The following CNN2 variants were observed in gnomAD, a reference collection of about 807,000 sequenced individuals.
The protein encoded by CNN2 is calponin-2.
In CNN2, 21 loss-of-function variants were observed where a neutral mutation model predicts 31.0. The observed-to-expected ratio is 0.68, with a 90% CI of 0.48 to 0.98. The LOEUF is 0.98. CNN2 is among the 50% of genes least tolerant of loss of function. The pLI is 0.00. For missense variants in CNN2, 399 were observed against 427.3 expected (o/e 0.93, Z 0.58); for synonymous variants, 165 against 179.6 (o/e 0.92, Z 0.65).
intron 5 of CNN2, 53 bp downstream of exon 5, chr19:1,036,299 GTTGGGGGACAGCAGCA>G: frequency 7.0e-6 from 11 of 1,568,584 alleles, no homozygotes; most frequent in East Asian, 2.3e-5. Flanking sequence ...GGACCACGGT[GTTGGGGGACAGCAGCA>G]TTGGGGGACA....
chr19:1,036,599 G>A, intron 6 of CNN2, 37 bp downstream of exon 6: 4 of 1,613,008 alleles, frequency 2.5e-6, no homozygotes, highest in Non-Finnish European at 3.4e-6. Context: ...TCCTCTCCCT[G>A]CCCCTCTACA....
intron 6 of CNN2, chr19:1,036,826 ATTC>A (rs2144631653): frequency 1.8e-6 from 1 of 561,274 alleles, no homozygotes; most frequent in Non-Finnish European, 3.2e-6. Flanking sequence ...GGTCCACCCA[ATTC>A]TTTTTTTTTA....
chr19:1,034,180 CGG>C (rs2039547574), intron 4 of CNN2, among the ~76,000 whole-genome samples: 1 of 6,082 alleles, frequency 1.6e-4, no homozygotes, highest in Non-Finnish European at 2.9e-4. Flanking sequence ...GTGGGTGGGA[CGG>C]TGTCTGGTGT....
chr19:1,037,262 C>T (rs1251284094), intron 6 of CNN2: 4 of 239,720 alleles, frequency 1.7e-5, no homozygotes, highest in South Asian at 1.0e-4. Flanking sequence ...CTCAGCCTCC[C>T]GAGTAGCTGA....
chr19:1,037,944 T>A lies in CNN2; in HGVS notation c.*44T>A. The A allele has an allele frequency of 1.4e-6, 2 of 1,434,558 alleles. No homozygotes were observed. Among genetic ancestry groups the A allele is most frequent in the Admixed American group, 5.4e-5 (2 of 36,962 alleles). The allele number at this position is 1,434,558 out of a possible 1,614,324, so 88.9% of individuals were successfully genotyped here. On this transcript the variant is annotated 3_prime_UTR_variant, in exon 7 of 7. Transcript: ENST00000263097. Reference sequence around the variant, plus strand: ...TCCCCACATCGTCTGCCCATCTGGGTTTTTGGGTTTTTCTGTGTTTTCATC... The same window carrying A: ...TCCCCACATCGTCTGCCCATCTGGGATTTTGGGTTTTTCTGTGTTTTCATC...
chr19:1,031,683 C>T (rs553252185), intron 2 of CNN2, among the ~76,000 whole-genome samples: 424 of 147,944 alleles, frequency 2.9e-3, no homozygotes, highest in Middle Eastern at 0.011. Flanking sequence ...GGCATGATCT[C>T]GGCTCACTGC....
Position 1,038,219 on chromosome 19 carries a change from T to C in CNN2, c.*319T>C. 1 of 323,626 alleles carries C rather than the reference T, an allele frequency of 3.1e-6. No individual in the cohort carries two copies. Among genetic ancestry groups the C allele is most frequent in the Non-Finnish European group, 5.6e-6 (1 of 177,144 alleles). The allele number at this position is 323,626 out of a possible 1,614,324, so 20.0% of individuals were successfully genotyped here. A position where few individuals can be genotyped will look rare whatever the true frequency, so the allele number is the denominator to read the frequency against. ...TGGAAGGAACCGGTCCCCGACGGTT[T>C]CTGCTTGCCTCGCCTCTTCCCCCTT... is the stretch of plus-strand genomic sequence containing the variant. On this transcript the variant is annotated 3_prime_UTR_variant, in exon 7 of 7. Coordinates refer to ENST00000263097, the MANE Select transcript of CNN2 (RefSeq NM_004368.4).
At chr19:1,028,040 T>C (rs2144613049) in intron 1 of CNN2, among the ~76,000 whole-genome samples, 1 of 152,210 alleles carries the variant, frequency 6.6e-6, no homozygotes, top group South Asian at 2.1e-4. Flanking sequence ...GCACCCTGCA[T>C]TCATAGAGCC....
chr19:1,037,603 T>C, intron 6 of CNN2, 22 bp from the exon 7 acceptor site: 2 of 1,581,410 alleles, frequency 1.3e-6, no homozygotes, highest in African/African-American at 2.8e-5. Flanking sequence ...CATGACCTGC[T>C]CCACCCCTCC....
At chr19:1,028,668 G>T (rs1178545274) in intron 1 of CNN2, among the ~76,000 whole-genome samples, 1 of 152,022 alleles carries the variant, frequency 6.6e-6, no homozygotes, top group African/African-American at 2.4e-5. Flanking sequence ...GTGGTGAACA[G>T]GAATGTGCTG....
At chr19:1,037,575 G>A (rs760551842) in intron 6 of CNN2, 50 bp from the exon 7 acceptor site, 20 of 1,587,904 alleles carry the variant, frequency 1.3e-5, no homozygotes, top group African/African-American at 2.7e-5. Flanking sequence ...CCCAGTGAAG[G>A]TCCCCTCTTC....
intron 4 of CNN2, 188 bp from the exon 5 acceptor site, chr19:1,035,942 G>T: frequency 1.2e-6 from 1 of 823,008 alleles, no homozygotes; most frequent in Non-Finnish European, 1.7e-6. Flanking sequence ...ATAAAAAACT[G>T]AAACAGCTGT....
chr19:1,036,659 C>G (rs776843387), intron 6 of CNN2, 97 bp downstream of exon 6: 6 of 1,474,726 alleles, frequency 4.1e-6, no homozygotes, highest in Middle Eastern at 1.7e-4. Flanking sequence ...TCTCTCCCCA[C>G]TCTCAGTCTC....
At chr19:1,037,310 G>A (rs1208715153) in intron 6 of CNN2, 1 of 263,274 alleles carries the variant, frequency 3.8e-6, no homozygotes, top group African/African-American at 2.2e-5. Flanking sequence ...GCTAATTTTT[G>A]TATTTTTAGT....
At chr19:1,026,891 A>C (rs1343076901) in intron 1 of CNN2, 167 bp downstream of exon 1, 9 of 630,686 alleles carry the variant, frequency 1.4e-5, no homozygotes, top group Non-Finnish European at 2.4e-5. Context: ...GTCTGCGGGC[A>C]CCCCCTGAGG....
intron 5 of CNN2, 78 bp downstream of exon 5, chr19:1,036,324 C>G (rs2039583555): frequency 3.2e-6 from 5 of 1,573,474 alleles, no homozygotes; most frequent in Non-Finnish European, 4.3e-6. Context: ...CATTGGGGGA[C>G]AGCGGCATGG....
chr19:1,026,657 C>T lies in CNN2; in HGVS notation c.-5C>T. On this transcript the variant is annotated 5_prime_UTR_variant, in exon 1 of 7. Transcript: ENST00000263097. ...CGGCCCCGTCCCGCCGCCCGCCCGC[C>T]AGCCATGAGCTCCACGCAGTTCAAC... The T allele has an allele frequency of 2.0e-6, 3 of 1,537,860 alleles. No individual in the cohort carries two copies. The highest frequency in any genetic ancestry group is 2.6e-6 in the Non-Finnish European group (3 of 1,142,902).
chr19:1,033,654 C>T (rs377366851), intron 4 of CNN2, among the ~76,000 whole-genome samples: 12 of 139,632 alleles, frequency 8.6e-5, no homozygotes, highest in East Asian at 6.4e-4. Flanking sequence ...GTGGGTGGGA[C>T]AGTGTCTGGT....
At position 1,037,830 on chromosome 19, in the gene CNN2, C is replaced by T. The variant is rs577706819; in HGVS notation, c.860C>T (p.Thr287Ile). The T allele has an allele frequency of 4.4e-6, 7 of 1,607,782 alleles. No individual in the cohort carries two copies. The East Asian group carries it at 1.6e-4, about 36-fold the overall frequency. ...GTVADGAPSG[T>I]GDCPDPGEVP... Reference sequence around the variant, plus strand: ...GTGGCCGATGGGGCTCCCTCGGGCACCGGCGACTGCCCGGACCCGGGGGAG... The same window carrying T: ...GTGGCCGATGGGGCTCCCTCGGGCATCGGCGACTGCCCGGACCCGGGGGAG... Residue 287 changes from threonine to isoleucine, a missense_variant, in exon 7 of 7, where the codon ACC becomes ATC. Coordinates refer to ENST00000263097, the MANE Select transcript of CNN2 (RefSeq NM_004368.4).
Sources: gnomAD v4.1 joint callset for allele counts (sites outside exome capture counted in the v4.1 genomes callset) on GRCh38, gnomAD v4.1.1 for gene constraint, MANE v1.5 for transcripts, NCBI Gene and HGNC (gene_info 2026-07-23, HGNC 2026-07-21) for gene names.